The following SHISA6 variants were observed in gnomAD, a reference collection of about 807,000 sequenced individuals.
The protein encoded by SHISA6 is shisa family member 6, also known as protein shisa-6.
Under a neutral mutation model 47.9 loss-of-function variants are expected in SHISA6, and 22 were observed. The ratio of observed to expected loss-of-function variants is 0.46; its 90% confidence interval spans 0.33 to 0.66. SHISA6 has a LOEUF of 0.66. SHISA6 is among the 30% of genes least tolerant of loss of function. The pLI is 0.02. For missense variants in SHISA6, 680 were observed against 764.6 expected, an observed-to-expected ratio of 0.89 and a Z score of 1.30; for synonymous variants, 388 against 337.8, an observed-to-expected ratio of 1.15 and a Z score of -1.63.
chr17:11,294,415 C>G (rs985565152), intron 2 of SHISA6, among the ~76,000 whole-genome samples: 1 of 152,094 alleles, frequency 6.6e-6, no homozygotes, highest in Admixed American at 6.5e-5. Context: ...CCTGTCCACC[C>G]CAGGCCTTTG....
At chr17:11,384,608 C>G (rs1000550131) in intron 3 of SHISA6, among the ~76,000 whole-genome samples, 1 of 152,190 alleles carries the variant, frequency 6.6e-6, no homozygotes, top group African/African-American at 2.4e-5. Context: ...GTCGTTTCCA[C>G]TGGGATATCC....
At position 11,318,098 on chromosome 17, in the gene SHISA6, G is replaced by A. The variant is rs115356513; in HGVS notation, c.799+54572G>A. Among the ~76,000 whole-genome samples the A allele has an allele frequency of 3.3e-3, 489 of 149,936 alleles. 2 individuals carry two copies. The highest frequency in any genetic ancestry group is 0.011 in the African/African-American group (453 of 40,716). ...ATTTCTGAAAGACAAAAAGACAAAG[G>A]CACTTTTTGAAAATATAATCACAGT... On this transcript the variant is annotated intron_variant, in intron 2 of 5. Transcript: ENST00000441885.
Position 11,560,071 on chromosome 17 carries a change from A to G in SHISA6, c.*1767A>G, listed in dbSNP as rs956695831. On this transcript the variant is annotated 3_prime_UTR_variant, in exon 6 of 6. Coordinates refer to ENST00000441885, the MANE Select transcript of SHISA6 (RefSeq NM_207386.4). Reference sequence around the variant, plus strand: ...TGGCCCTTTAAAAAGGCGAGTGTAGAAGGAGAATTTATTGGTGTCAGCCCT... The same window carrying G: ...TGGCCCTTTAAAAAGGCGAGTGTAGGAGGAGAATTTATTGGTGTCAGCCCT... 8.5e-5 allele frequency: 13 copies of G among 152,198 alleles called. No homozygotes were observed. The highest frequency in any genetic ancestry group is 2.9e-4 in the African/African-American group (12 of 41,444). The allele number at this position is 152,198 out of a possible 1,614,324, so 9.4% of individuals were successfully genotyped here.
chr17:11,553,547 G>A (rs933212161), intron 4 of SHISA6, among the ~76,000 whole-genome samples: 5 of 152,288 alleles, frequency 3.3e-5, no homozygotes, highest in South Asian at 2.1e-4. Context: ...TCACAATGTA[G>A]TGAGAGTAGA....
At chr17:11,372,937 A>G (rs1912675597) in intron 2 of SHISA6, among the ~76,000 whole-genome samples, 1 of 151,854 alleles carries the variant, frequency 6.6e-6, no homozygotes, top group Admixed American at 6.6e-5. Context: ...TTTCGGTTTT[A>G]TTTCATGACC....
chr17:11,509,342 A>G (rs1244168563), intron 3 of SHISA6, among the ~76,000 whole-genome samples: 1 of 152,220 alleles, frequency 6.6e-6, no homozygotes, highest in Admixed American at 6.5e-5. Context: ...ACAGCATCAC[A>G]CATGGTCCTC....
intron 2 of SHISA6, among the ~76,000 whole-genome samples, chr17:11,364,911 A>G (rs1420473364): frequency 6.6e-6 from 1 of 152,182 alleles, no homozygotes; most frequent in Non-Finnish European, 1.5e-5. Context: ...GTAAGGTGGT[A>G]TTACATTACA....
intron 3 of SHISA6, among the ~76,000 whole-genome samples, chr17:11,525,262 G>A (rs181080781): frequency 3.2e-4 from 49 of 152,242 alleles, no homozygotes; most frequent in African/African-American, 1.1e-3. Flanking sequence ...ATGCCCACAA[G>A]AAGAACACAA....
chr17:11,427,244 C>A (rs1033802448), intron 3 of SHISA6, among the ~76,000 whole-genome samples: 4 of 152,134 alleles, frequency 2.6e-5, no homozygotes, highest in Non-Finnish European at 5.9e-5. Context: ...AGCGATTCTC[C>A]TGCCTTAGCC....
chr17:11,377,748 C>T (rs193054665), intron 2 of SHISA6, among the ~76,000 whole-genome samples: 182 of 152,238 alleles, frequency 1.2e-3, no homozygotes, highest in African/African-American at 4.2e-3. Context: ...CTTAGTTGTT[C>T]CTCCATTTAC....
Position 11,558,459 on chromosome 17 carries a change from C to CTTCCA in SHISA6, c.*155_*156insTTCCA. On this transcript the variant is annotated 3_prime_UTR_variant, in exon 6 of 6. Transcript: ENST00000441885. ...ACCTTTGCCCAAAAAGCCATACCCCCGGGGACACAGCCCCGATGGCCTGGT... is the reference window on the plus strand; with the variant it reads ...ACCTTTGCCCAAAAAGCCATACCCCCTTCCAGGGGACACAGCCCCGATGGCCTGGT... 3 of 800,818 alleles carry CTTCCA rather than the reference C, an allele frequency of 3.7e-6. No homozygotes were observed. 49.6% of individuals were successfully genotyped at this position (800,818 alleles called of 1,614,324 possible).
At chr17:11,438,151 C>G (rs187239258) in intron 3 of SHISA6, among the ~76,000 whole-genome samples, 86 of 152,256 alleles carry the variant, frequency 5.6e-4, no homozygotes, top group Non-Finnish European at 1.1e-3. Flanking sequence ...AGGACAGATG[C>G]TTGGTACATG....
intron 2 of SHISA6, among the ~76,000 whole-genome samples, chr17:11,274,014 G>C (rs1445078841): frequency 2.0e-5 from 3 of 152,220 alleles, no homozygotes; most frequent in Non-Finnish European, 4.4e-5. Context: ...CTTAAGGACA[G>C]GTGTGCCCAG....
intron 2 of SHISA6, among the ~76,000 whole-genome samples, chr17:11,299,264 A>G (rs1227854849): frequency 1.3e-5 from 2 of 152,196 alleles, no homozygotes; most frequent in Non-Finnish European, 2.9e-5. Flanking sequence ...TTTATTGAGA[A>G]TTACTGGGTG....
In SHISA6 at chr17:11,558,467, C is replaced by G; in HGVS notation, c.*163C>G. On this transcript the variant is annotated 3_prime_UTR_variant, in exon 6 of 6. Transcript: ENST00000441885. ...CCAAAAAGCCATACCCCCGGGGACA[C>G]AGCCCCGATGGCCTGGTCCAATACA... is the stretch of plus-strand genomic sequence containing the variant. The G allele has an allele frequency of 2.7e-6, 2 of 733,580 alleles. No individual in the cohort carries two copies. The highest frequency in any genetic ancestry group is 2.8e-5 in the Admixed American group (1 of 35,350). 45.4% of individuals were successfully genotyped at this position (733,580 alleles called of 1,614,324 possible). A position where few individuals can be genotyped will look rare whatever the true frequency, so the allele number is the denominator to read the frequency against.
At chr17:11,523,944 T>C (rs2071653202) in intron 3 of SHISA6, among the ~76,000 whole-genome samples, 1 of 150,886 alleles carries the variant, frequency 6.6e-6, no homozygotes, top group African/African-American at 2.4e-5. Flanking sequence ...AGGCAGAGGT[T>C]GCAGTGAGCC....
chr17:11,380,108 ACTC>A (rs1205730467), intron 3 of SHISA6: 1 of 151,938 alleles, frequency 6.6e-6, no homozygotes, highest in African/African-American at 2.4e-5. Context: ...GGGGGCATGG[ACTC>A]CTCCTCAATT....
chr17:11,426,454 T>C (rs1192212924), intron 3 of SHISA6, among the ~76,000 whole-genome samples: 2 of 152,180 alleles, frequency 1.3e-5, no homozygotes, highest in African/African-American at 4.8e-5. Flanking sequence ...AAGAGGAAGT[T>C]AAGTAGATTT....
intron 1 of SHISA6, among the ~76,000 whole-genome samples, chr17:11,248,670 C>G (rs7208219): frequency 0.94 from 143,121 of 152,210 alleles, 67,903 homozygotes; most frequent in East Asian, 1. Context: ...ATCTTCCCCG[C>G]TCCTTTTGCA....
Sources: gnomAD v4.1 joint callset for allele counts (sites outside exome capture counted in the v4.1 genomes callset) on GRCh38, gnomAD v4.1.1 for gene constraint, MANE v1.5 for transcripts, NCBI Gene and HGNC (gene_info 2026-07-23, HGNC 2026-07-21) for gene names.